PTK2: variants seen among roughly 807,000 people sequenced by gnomAD.
PTK2 encodes the protein protein tyrosine kinase 2.
A neutral mutation model predicts 150.1 loss-of-function variants in PTK2; 45 were observed. That is an observed-to-expected ratio of 0.30 (90% CI 0.24 to 0.38). The LOEUF (loss-of-function observed/expected upper bound fraction) is 0.38, where lower values mean the gene tolerates loss of function less well. Among genes scored for constraint, PTK2 ranks in the 10% least tolerant of loss-of-function variants. PTK2 has a pLI of 1.00. For missense variants in PTK2, 919 were observed against 1,307.3 expected (o/e 0.70, Z 4.58); for synonymous variants, 432 against 449.2 (o/e 0.96, Z 0.48).
At chr8:140,696,405 C>T (rs145718072) in intron 26 of PTK2, among the ~76,000 whole-genome samples, 4 of 152,258 alleles carry the variant, frequency 2.6e-5, no homozygotes, top group Non-Finnish European at 5.9e-5. Context: ...CAGTAGTGCA[C>T]ATCATAATAA....
At chr8:140,833,282 A>G (rs1016275637) in intron 7 of PTK2, among the ~76,000 whole-genome samples, 1 of 152,218 alleles carries the variant, frequency 6.6e-6, no homozygotes, top group Non-Finnish European at 1.5e-5. Flanking sequence ...CATATGTTAG[A>G]ACTTTTTTGA....
chr8:140,735,408 C>G, exon 22 of PTK2: 1 of 1,614,140 alleles, frequency 6.2e-7, no homozygotes, highest in Non-Finnish European at 8.5e-7. Flanking sequence ...TTCTTCACTC[C>G]TTGAAAAGGC....
chr8:140,785,785 C>T (rs1239265891), intron 14 of PTK2, among the ~76,000 whole-genome samples: 3 of 152,144 alleles, frequency 2.0e-5, no homozygotes, highest in Non-Finnish European at 4.4e-5. Flanking sequence ...GTTTGTTTAC[C>T]TTTCTGAATT....
chr8:140,742,062 G>C (rs1327350522), intron 20 of PTK2, among the ~76,000 whole-genome samples: 1 of 152,200 alleles, frequency 6.6e-6, no homozygotes, highest in Non-Finnish European at 1.5e-5. Context: ...CTTGAGCTCA[G>C]GAGGTCGAGA....
At chr8:140,782,761 A>G (rs1294739043) in intron 14 of PTK2, among the ~76,000 whole-genome samples, 1 of 152,124 alleles carries the variant, frequency 6.6e-6, no homozygotes, top group African/African-American at 2.4e-5. Flanking sequence ...TTGAAACTAG[A>G]GTGTAAAACT....
At position 140,722,168 on chromosome 8, in the gene PTK2, C is replaced by T. The variant is rs546578132; in HGVS notation, c.2031-4459G>A. Among the ~76,000 whole-genome samples, 6 of 152,274 alleles carry T rather than the reference C, an allele frequency of 3.9e-5. No individual in the cohort carries two copies. The South Asian group carries it at 6.2e-4, about 16-fold the overall frequency. ...TTTTATTTTTAAAGAGACAGGGTTT[C>T]GCTATTATTGCTCAGGCTGGTCTCA... is the stretch of plus-strand genomic sequence containing the variant. On this transcript the variant is annotated intron_variant, in intron 22 of 31. Coordinates refer to ENST00000522684, the Ensembl canonical transcript of PTK2.
chr8:140,827,759 T>A (rs1173866633), intron 8 of PTK2, among the ~76,000 whole-genome samples: 1 of 152,198 alleles, frequency 6.6e-6, no homozygotes, highest in Non-Finnish European at 1.5e-5. Context: ...CCAGGTACAA[T>A]GTCAAACAAA....
intron 14 of PTK2, among the ~76,000 whole-genome samples, chr8:140,781,279 T>C (rs961343477): frequency 1.3e-5 from 2 of 152,188 alleles, no homozygotes; most frequent in African/African-American, 4.8e-5. Context: ...CTTGGGCTTT[T>C]TGTGTTTTAA....
chr8:140,741,866 T>C (rs1054422822), intron 20 of PTK2, among the ~76,000 whole-genome samples: 2 of 152,118 alleles, frequency 1.3e-5, no homozygotes, highest in Admixed American at 1.3e-4. Context: ...AGGCTGGACA[T>C]GATGGTTCAT....
intron 13 of PTK2, among the ~76,000 whole-genome samples, chr8:140,791,025 T>A (rs1029074773): frequency 6.6e-6 from 1 of 152,246 alleles, no homozygotes; most frequent in Admixed American, 6.5e-5. Flanking sequence ...ACAGCAATAA[T>A]GGTGTCCTGC....
intron 1 of PTK2, among the ~76,000 whole-genome samples, chr8:140,988,605 C>T (rs1408007132): frequency 2.0e-5 from 3 of 151,724 alleles, no homozygotes; most frequent in Non-Finnish European, 2.9e-5. Context: ...GGTGGGCGCC[C>T]GTAGCCCCAG....
At chr8:140,685,828 C>T (rs536757652) in intron 27 of PTK2, among the ~76,000 whole-genome samples, 15 of 152,192 alleles carry the variant, frequency 9.9e-5, no homozygotes, top group South Asian at 4.2e-4. Context: ...AGCAATTTGG[C>T]GATGTCTCAG....
chr8:140,724,849 G>T (rs979366456), intron 22 of PTK2, among the ~76,000 whole-genome samples: 1 of 152,218 alleles, frequency 6.6e-6, no homozygotes, highest in African/African-American at 2.4e-5. Flanking sequence ...TGAAGCTAGG[G>T]ATGGCATACC....
chr8:140,918,138 T>C (rs2154608186), intron 2 of PTK2, among the ~76,000 whole-genome samples: 1 of 152,282 alleles, frequency 6.6e-6, no homozygotes, highest in Admixed American at 6.5e-5. Context: ...AGTCAGAGAA[T>C]GCAGAGATGA....
At chr8:140,859,501 A>C (rs1432156155) in intron 5 of PTK2, among the ~76,000 whole-genome samples, 1 of 152,218 alleles carries the variant, frequency 6.6e-6, no homozygotes, top group African/African-American at 2.4e-5. Flanking sequence ...TTTAGCCTAG[A>C]ATTCAGTGGA....
At chr8:140,888,530 T>C (rs1208406462) in intron 3 of PTK2, among the ~76,000 whole-genome samples, 1 of 152,234 alleles carries the variant, frequency 6.6e-6, no homozygotes, top group Non-Finnish European at 1.5e-5. Context: ...CAGATTGATC[T>C]TCACAAGTTT....
intron 1 of PTK2, among the ~76,000 whole-genome samples, chr8:140,946,571 G>A (rs1586684628): frequency 6.6e-6 from 1 of 152,278 alleles, no homozygotes; most frequent in East Asian, 1.9e-4. Flanking sequence ...CTTCTGGGAA[G>A]CAGATGGAAG....
chr8:140,752,246 A>C (rs775802354), exon 17 of PTK2: 4 of 1,613,824 alleles, frequency 2.5e-6, no homozygotes. Flanking sequence ...TTCTTGAAGA[A>C]ATTTCTCTCT....
intron 1 of PTK2, among the ~76,000 whole-genome samples, chr8:140,985,073 T>C (rs970342447): frequency 1.8e-4 from 27 of 152,156 alleles, no homozygotes; most frequent in Admixed American, 1.2e-3. Context: ...TAATAGGAAA[T>C]ACTGTGCAAA....
Sources: gnomAD v4.1 joint callset for allele counts (sites outside exome capture counted in the v4.1 genomes callset) on GRCh38, gnomAD v4.1.1 for gene constraint, MANE v1.5 for transcripts, NCBI Gene and HGNC (gene_info 2026-07-23, HGNC 2026-07-21) for gene names.